Variants in ASIC2 observed in about 807,000 individuals in gnomAD.
The protein encoded by ASIC2 is acid-sensing ion channel 2.
A neutral mutation model predicts 57.3 loss-of-function variants in ASIC2; 25 were observed. The observed-to-expected ratio is 0.44, with a 90% CI of 0.32 to 0.61. ASIC2 has a LOEUF of 0.61. Ranked by LOEUF, ASIC2 falls within the 20% of genes least tolerant of loss-of-function variation. The probability of loss-of-function intolerance (pLI) is 0.06; values close to 1 mark genes in which losing one functional copy is unlikely to be tolerated. For missense variants in ASIC2, 641 were observed against 738.1 expected (o/e 0.87, Z 1.52); for synonymous variants, 319 against 307.5 (o/e 1.04, Z -0.39).
At chr17:34,124,426 T>C (rs1911713721) in intron 1 of ASIC2, among the ~76,000 whole-genome samples, 1 of 152,334 alleles carries the variant, frequency 6.6e-6, no homozygotes, top group Middle Eastern at 3.4e-3. Context: ...GAGATCACTC[T>C]AAAACACACA....
At chr17:33,208,821 T>C (rs1183893516) in intron 1 of ASIC2, among the ~76,000 whole-genome samples, 3 of 152,176 alleles carry the variant, frequency 2.0e-5, no homozygotes, top group African/African-American at 4.8e-5. Flanking sequence ...ATCTGTTGAA[T>C]GGAAAAAATG....
chr17:33,484,548 C>A (rs1259737952), intron 1 of ASIC2, among the ~76,000 whole-genome samples: 3 of 152,134 alleles, frequency 2.0e-5, no homozygotes, highest in Admixed American at 1.3e-4. Context: ...TCATTTCAAC[C>A]AGTTACCAAT....
At chr17:33,240,884 C>G (rs1156409648) in intron 1 of ASIC2, among the ~76,000 whole-genome samples, 1 of 152,196 alleles carries the variant, frequency 6.6e-6, no homozygotes, top group Non-Finnish European at 1.5e-5. Flanking sequence ...AAAAAAACAC[C>G]TCAAAGGCAG....
intron 1 of ASIC2, among the ~76,000 whole-genome samples, chr17:33,941,296 C>A (rs1403178121): frequency 6.6e-6 from 1 of 152,170 alleles, no homozygotes; most frequent in African/African-American, 2.4e-5. Flanking sequence ...CCCAGACGCC[C>A]TCAGAAGAAA....
intron 1 of ASIC2, among the ~76,000 whole-genome samples, chr17:33,770,713 C>CTGATGTGGCTGATTTTA (rs781260322): frequency 3.3e-5 from 5 of 152,232 alleles, no homozygotes; most frequent in Non-Finnish European, 5.9e-5. Flanking sequence ...TGGGTACTCA[C>CTGATGTGGCTGATTTTA]AGCTTTATCG....
intron 1 of ASIC2, among the ~76,000 whole-genome samples, chr17:33,588,578 C>A (rs1187588421): frequency 6.6e-6 from 1 of 152,170 alleles, no homozygotes; most frequent in Non-Finnish European, 1.5e-5. Context: ...GGGTAGCACT[C>A]CTGCTCTCTT....
intron 1 of ASIC2, among the ~76,000 whole-genome samples, chr17:33,884,725 C>T (rs1234970649): frequency 1.3e-5 from 2 of 151,850 alleles, no homozygotes; most frequent in Non-Finnish European, 2.9e-5. Flanking sequence ...CCCATCCCCA[C>T]ACCCCCTAAG....
intron 1 of ASIC2, among the ~76,000 whole-genome samples, chr17:33,619,294 C>G (rs1905703086): frequency 6.6e-6 from 1 of 152,098 alleles, no homozygotes; most frequent in Non-Finnish European, 1.5e-5. Context: ...AATTTCAACA[C>G]CAATTCAATT....
intron 1 of ASIC2, among the ~76,000 whole-genome samples, chr17:33,557,978 G>A (rs1288420501): frequency 1.3e-5 from 2 of 151,698 alleles, no homozygotes; most frequent in African/African-American, 4.8e-5. Context: ...TTACTCATTT[G>A]GACCATATTT....
At chr17:33,884,426 C>T (rs1597916041) in intron 1 of ASIC2, among the ~76,000 whole-genome samples, 1 of 152,104 alleles carries the variant, frequency 6.6e-6, no homozygotes, top group East Asian at 1.9e-4. Context: ...TTCCCTGATC[C>T]CTGCTTATAC....
At chr17:33,022,376 C>T (rs1177723728) in intron 6 of ASIC2, among the ~76,000 whole-genome samples, 10 of 152,224 alleles carry the variant, frequency 6.6e-5, no homozygotes, top group Admixed American at 6.5e-4. Context: ...CCCCGCTGGG[C>T]ATTGCGGACA....
At chr17:34,130,320 G>A (rs1030673109) in intron 1 of ASIC2, among the ~76,000 whole-genome samples, 3 of 152,210 alleles carry the variant, frequency 2.0e-5, no homozygotes, top group South Asian at 2.1e-4. Flanking sequence ...CTTTCCAGGT[G>A]CTGAAATCAG....
At chr17:33,555,247 G>A (rs544473897) in intron 1 of ASIC2, among the ~76,000 whole-genome samples, 3 of 152,250 alleles carry the variant, frequency 2.0e-5, no homozygotes, top group East Asian at 1.9e-4. Flanking sequence ...CTTTTGGTCC[G>A]CTGCTGATTA....
intron 1 of ASIC2, among the ~76,000 whole-genome samples, chr17:33,236,815 C>T (rs1390857070): frequency 2.0e-5 from 3 of 152,106 alleles, no homozygotes; most frequent in Non-Finnish European, 2.9e-5. Flanking sequence ...TGCAGTTATA[C>T]TGCCTTGTAC....
At chr17:33,220,185 C>A (rs541826223) in intron 1 of ASIC2, among the ~76,000 whole-genome samples, 18 of 152,310 alleles carry the variant, frequency 1.2e-4, no homozygotes, top group East Asian at 9.6e-4. Flanking sequence ...CTGGCCTCCC[C>A]AACTGATCTT....
chr17:33,134,441 G>A, intron 1 of ASIC2, among the ~76,000 whole-genome samples: 1 of 152,180 alleles, frequency 6.6e-6, no homozygotes, highest in South Asian at 2.1e-4. Context: ...ATGCCAGATG[G>A]GAGGCAAAAC....
chr17:34,054,636 T>C (rs1413386152), intron 1 of ASIC2, among the ~76,000 whole-genome samples: 1 of 152,208 alleles, frequency 6.6e-6, no homozygotes, highest in Non-Finnish European at 1.5e-5. Flanking sequence ...ACCCGATATT[T>C]GCTCCAACTG....
chr17:33,641,992 T>C (rs954819975), intron 1 of ASIC2, among the ~76,000 whole-genome samples: 7 of 152,184 alleles, frequency 4.6e-5, no homozygotes, highest in African/African-American at 1.2e-4. Context: ...TAGGTATACA[T>C]AGTAAGTGTA....
chr17:33,110,029 C>T (rs2092250405), intron 2 of ASIC2, among the ~76,000 whole-genome samples: 1 of 149,908 alleles, frequency 6.7e-6, no homozygotes, highest in Admixed American at 6.6e-5. Flanking sequence ...GGGTCTGGTA[C>T]TGAGAGTGCA....
Sources: allele counts gnomAD v4.1 joint callset (sites outside exome capture counted in the v4.1 genomes callset), GRCh38; gene constraint gnomAD v4.1.1; transcripts MANE v1.5; gene names NCBI Gene and HGNC (gene_info 2026-07-23, HGNC 2026-07-21).